AGPAT3: variants seen among roughly 807,000 people sequenced by gnomAD.
AGPAT3 encodes 1-acylglycerol-3-phosphate O-acyltransferase 3.
Under a neutral mutation model 47.3 loss-of-function variants are expected in AGPAT3, and 5 were observed. The ratio of observed to expected loss-of-function variants is 0.11; its 90% CI spans 0.06 to 0.22. The LOEUF is 0.22. Among genes scored for constraint, AGPAT3 ranks in the 10% least tolerant of loss-of-function variants. The pLI, the probability that AGPAT3 is intolerant of heterozygous loss-of-function variation, is 1.00. For missense variants in AGPAT3, 315 were observed against 493.0 expected, an observed-to-expected ratio of 0.64 and a Z score of 3.42; for synonymous variants, 212 against 208.3, an observed-to-expected ratio of 1.02 and a Z score of -0.15.
intron 2 of AGPAT3, among the ~76,000 whole-genome samples, chr21:43,913,594 T>G (rs1372467002): frequency 6.6e-6 from 1 of 152,044 alleles, no homozygotes; most frequent in Non-Finnish European, 1.5e-5. Flanking sequence ...TCAAAAAAAA[T>G]TATTGAGGAC....
intron 3 of AGPAT3, among the ~76,000 whole-genome samples, chr21:43,961,001 A>ATGG (rs1221127506): frequency 6.6e-6 from 1 of 152,070 alleles, no homozygotes; most frequent in Non-Finnish European, 1.5e-5. Flanking sequence ...TTAGCTGAGC[A>ATGG]TGGTGGTACA....
At chr21:43,968,835 C>A (rs2089268517) in intron 4 of AGPAT3, among the ~76,000 whole-genome samples, 1 of 152,164 alleles carries the variant, frequency 6.6e-6, no homozygotes. Context: ...TGTGAGGCAG[C>A]ACCCCCAGGC....
At chr21:43,959,140 TGCGGTATGTGTGTG>T (rs1289526149) in intron 2 of AGPAT3, among the ~76,000 whole-genome samples, 1 of 141,442 alleles carries the variant, frequency 7.1e-6, no homozygotes, top group Non-Finnish European at 1.5e-5. Flanking sequence ...GTGTTTGGTT[TGCGGTATGTGTGTG>T]GCGTGTGTGG....
chr21:43,865,527 A>C, intron 1 of AGPAT3, among the ~76,000 whole-genome samples, 182 bp downstream of exon 1: 1 of 146,770 alleles, frequency 6.8e-6, no homozygotes, highest in East Asian at 2.0e-4. Flanking sequence ...GGGCCTGGGA[A>C]GGCGCGGGGC....
intron 1 of AGPAT3, among the ~76,000 whole-genome samples, chr21:43,901,444 C>T (rs370519069): frequency 7.7e-6 from 1 of 129,486 alleles, no homozygotes. Flanking sequence ...CGTGTTCAAT[C>T]AGGGCAAATA....
At position 43,920,973 on chromosome 21, in the gene AGPAT3, C is replaced by T. The variant is rs1371050851; in HGVS notation, c.-49+16954C>T. Among the ~76,000 whole-genome samples the T allele has an allele frequency of 2.0e-5, 3 of 152,114 alleles. No individual in the cohort carries two copies. The highest frequency in any genetic ancestry group is 2.9e-5 in the Non-Finnish European group (2 of 68,018). ...CTAAAAATACAAAAACTTAGCCGGG[C>T]GTGGTGGCGGGCACCTGTAGTTCCA... On this transcript the variant is annotated intron_variant, in intron 2 of 9. Transcript: ENST00000291572. The surrounding 1 kb of genome is among the most constrained non-coding windows in gnomAD (Gnocchi z 6.1).
chr21:43,872,892 C>G (rs1337349794), intron 1 of AGPAT3, among the ~76,000 whole-genome samples: 3 of 152,220 alleles, frequency 2.0e-5, no homozygotes, highest in Non-Finnish European at 4.4e-5. Flanking sequence ...GAAATACAAA[C>G]AAAGTGACCC....
At chr21:43,877,719 C>T (rs909203197) in intron 1 of AGPAT3, among the ~76,000 whole-genome samples, 2 of 152,170 alleles carry the variant, frequency 1.3e-5, no homozygotes, top group South Asian at 2.1e-4. Context: ...GCTGGGATTA[C>T]AGGCATGAGC....
chr21:43,878,260 C>T (rs533208818), intron 1 of AGPAT3, among the ~76,000 whole-genome samples: 11 of 152,332 alleles, frequency 7.2e-5, no homozygotes, highest in African/African-American at 2.4e-4. Context: ...CTGGTGACTT[C>T]GACCTGGATG....
rs375590451 is a variant in AGPAT3 at position 43,930,809 on chromosome 21, G to A, written c.-49+26790G>A. Among the ~76,000 whole-genome samples, 5 of 152,208 alleles carry A rather than the reference G, an allele frequency of 3.3e-5. 1 individual carries two copies. Among genetic ancestry groups the A allele is most frequent in the African/African-American group, 9.6e-5 (4 of 41,528 alleles). ...CCTCACGGTGGCCGGGGTGGCCCAC[G>A]GCAGGCCAGTGTGCGGTCCTCAAGC... is the stretch of plus-strand genomic sequence containing the variant. On this transcript the variant is annotated intron_variant, in intron 2 of 9. Coordinates refer to ENST00000291572, the MANE Select transcript of AGPAT3 (RefSeq NM_020132.5). This position sits in a 1 kb window ranked among gnomAD's most constrained non-coding sequence, Gnocchi z 5.0.
chr21:43,875,660 T>A (rs1054091774), intron 1 of AGPAT3, among the ~76,000 whole-genome samples: 1 of 152,342 alleles, frequency 6.6e-6, no homozygotes, highest in South Asian at 2.1e-4. Context: ...CAGGCTGGAG[T>A]GCAGTGGTGC....
At chr21:43,977,751 G>A (rs2089673785) in intron 7 of AGPAT3, among the ~76,000 whole-genome samples, 1 of 152,200 alleles carries the variant, frequency 6.6e-6, no homozygotes, top group South Asian at 2.1e-4. Flanking sequence ...GCTGGGCGTG[G>A]TGGCGCATGC....
rs747817069 is a variant in AGPAT3 at position 43,986,648 on chromosome 21, C to T, written c.*4256C>T. Reference sequence around the variant, plus strand: ...CAACTGGCCTTTTAATCAGCAAGATCGCCAGCAAGTACTGTAACTGTAAAG... The same window carrying T: ...CAACTGGCCTTTTAATCAGCAAGATTGCCAGCAAGTACTGTAACTGTAAAG... On this transcript the variant is annotated 3_prime_UTR_variant, in exon 10 of 10. Transcript: ENST00000291572. The T allele has an allele frequency of 6.6e-5, 10 of 152,566 alleles. No homozygotes were observed. The highest frequency in any genetic ancestry group is 1.9e-4 in the East Asian group (1 of 5,194). The allele number at this position is 152,566 out of a possible 1,614,324, so 9.5% of individuals were successfully genotyped here.
At chr21:43,874,077 G>A (rs59224249) in intron 1 of AGPAT3, among the ~76,000 whole-genome samples, 6,838 of 152,172 alleles carry the variant, frequency 0.045, 195 homozygotes, top group Middle Eastern at 0.071. Flanking sequence ...CCTCTGTCAC[G>A]CAGGCTGGCG....
intron 2 of AGPAT3, among the ~76,000 whole-genome samples, chr21:43,937,418 C>T (rs370432286): frequency 2.6e-5 from 4 of 152,216 alleles, no homozygotes; most frequent in African/African-American, 9.6e-5. Flanking sequence ...AGGCCCCTGA[C>T]TATATCTGTT....
Position 43,900,088 on chromosome 21 carries a change from G to A in AGPAT3, c.-111-3869G>A, listed in dbSNP as rs796994908. Among the ~76,000 whole-genome samples the A allele has an allele frequency of 1.1e-4, 17 of 152,298 alleles. No individual in the cohort carries two copies. In the East Asian group the frequency reaches 2.9e-3, roughly 26 times the overall value. Reference sequence around the variant, plus strand: ...TTCATGGAGAGTAAATGATCTGGAGGTAGAAAGAAAAAGGCAAATGCTTTT... The same window carrying A: ...TTCATGGAGAGTAAATGATCTGGAGATAGAAAGAAAAAGGCAAATGCTTTT... On this transcript the variant is annotated intron_variant, in intron 1 of 9. Transcript: ENST00000291572.
At chr21:43,896,878 G>A (rs2145969538) in intron 1 of AGPAT3, among the ~76,000 whole-genome samples, 1 of 146,958 alleles carries the variant, frequency 6.8e-6, no homozygotes, top group African/African-American at 2.5e-5. Context: ...CTTTAAATCT[G>A]AAATGTATCT....
intron 7 of AGPAT3, among the ~76,000 whole-genome samples, chr21:43,975,325 C>T (rs1019539394): frequency 1.4e-5 from 2 of 145,764 alleles, no homozygotes; most frequent in African/African-American, 5.2e-5. Context: ...CTGGCGTGTG[C>T]TGGCGTGTGG....
intron 3 of AGPAT3, chr21:43,960,658 C>T (rs1192395871): frequency 1.3e-6 from 1 of 768,396 alleles, no homozygotes; most frequent in Non-Finnish European, 1.6e-6. Flanking sequence ...GCAACCCAAG[C>T]ACCTGTCACT....
Sources: allele counts gnomAD v4.1 joint callset (sites outside exome capture counted in the v4.1 genomes callset), GRCh38; gene constraint gnomAD v4.1.1; non-coding constraint Gnocchi (gnomAD v3.1); transcripts MANE v1.5; gene names NCBI Gene and HGNC (gene_info 2026-07-23, HGNC 2026-07-21).